Variants in UNC13B observed in about 807,000 individuals in gnomAD.
UNC13B encodes unc-13 homolog B, also known as protein unc-13 homolog B.
A neutral mutation model predicts 211.0 loss-of-function variants in UNC13B; 144 were observed. The observed-to-expected ratio is 0.68, with a 90% CI of 0.60 to 0.78. The LOEUF (loss-of-function observed/expected upper bound fraction) is 0.78, where lower values mean the gene tolerates loss of function less well. UNC13B is among the 30% of genes least tolerant of loss of function. The pLI is 0.00. For synonymous variants in UNC13B, 709 were observed against 725.8 expected, an observed-to-expected ratio of 0.98 and a Z score of 0.37; for missense variants, 1,777 against 2,002.0, an observed-to-expected ratio of 0.89 and a Z score of 2.14.
Position 35,397,204 on chromosome 9 carries a change from C to T in UNC13B, c.11570C>T (p.Ser3857Phe). Residue 3857 changes from serine to phenylalanine, a missense_variant, in exon 29 of 40, where the codon TCT becomes TTT. Ser to Phe is a radical substitution (Grantham distance 155, BLOSUM62 -2). Transcript: ENST00000635942. ...TCAGAGCATGCACTCTTTTCCTGCTCTGTGGTGGATGTCTTCACACAACTC... is the reference window on the plus strand; with the variant it reads ...TCAGAGCATGCACTCTTTTCCTGCTTTGTGGTGGATGTCTTCACACAACTC... The part of the protein sequence containing the change: ...QTSEHALFSC[S>F]VVDVFTQLNQ... The T allele has an allele frequency of 5.0e-6, 8 of 1,614,220 alleles. No homozygotes were observed. Among genetic ancestry groups the T allele is most frequent in the Non-Finnish European group, 5.9e-6 (7 of 1,180,044 alleles).
intron 1 of UNC13B, among the ~76,000 whole-genome samples, chr9:35,219,854 A>G (rs537549240): frequency 1.3e-5 from 2 of 152,204 alleles, no homozygotes; most frequent in East Asian, 3.9e-4. Flanking sequence ...GTTGGTGTGC[A>G]TTCCTTCCTT....
intron 21 of UNC13B, among the ~76,000 whole-genome samples, chr9:35,383,311 A>C (rs2132268324): frequency 6.6e-6 from 1 of 152,296 alleles, no homozygotes; most frequent in Non-Finnish European, 1.5e-5. Context: ...TTGAGTCATT[A>C]CTCAGAATGT....
chr9:35,396,420 C>G, intron 26 of UNC13B, 56 bp from the exon 27 acceptor site: 1 of 1,608,584 alleles, frequency 6.2e-7, no homozygotes, highest in Non-Finnish European at 8.5e-7. Flanking sequence ...TGGGAAGGCT[C>G]AGGAACCATG....
chr9:35,216,962 A>G (rs933056551), intron 1 of UNC13B, among the ~76,000 whole-genome samples: 29 of 152,210 alleles, frequency 1.9e-4, no homozygotes, highest in African/African-American at 7.0e-4. Context: ...TGCAAATGAC[A>G]AAATGATGGA....
In UNC13B at chr9:35,308,021, CTTAACTCCAGTG is replaced by C. The variant is rs1830009732; in HGVS notation, c.8618_8629del (p.Leu2873_Glu2877delinsGln). 2 of 399,082 alleles carry C rather than the reference CTTAACTCCAGTG, an allele frequency of 5.0e-6. No homozygotes were observed. The highest frequency in any genetic ancestry group is 7.1e-5 in the East Asian group (2 of 28,072). 24.7% of individuals were successfully genotyped at this position (399,082 alleles called of 1,614,324 possible). On this transcript the variant is annotated inframe_deletion, in exon 9 of 40. Coordinates refer to ENST00000635942, the MANE Select transcript of UNC13B (RefSeq NM_001371189.2). ...TTTAGTTACTAGCAGTGATCAGGAC[CTTAACTCCAGTG>C]AGGCTAACAAAGCTTTGAAGTCTTC...
chr9:35,205,768 G>T (rs1330338455), intron 1 of UNC13B, among the ~76,000 whole-genome samples: 3 of 152,124 alleles, frequency 2.0e-5, no homozygotes, highest in Admixed American at 6.6e-5. Flanking sequence ...CATTATATGG[G>T]TATACTATAA....
Position 35,302,034 on chromosome 9 carries a change from A to G in UNC13B, c.2630A>G (p.Glu877Gly). 1 of 398,794 alleles carries G rather than the reference A, an allele frequency of 2.5e-6. No homozygotes were observed. The allele number at this position is 398,794 out of a possible 1,614,324, so 24.7% of individuals were successfully genotyped here. A position where few individuals can be genotyped will look rare whatever the true frequency, so the allele number is the denominator to read the frequency against. ...CTTGGTCATTCTGAAAAGCAACAGG[A>G]GTTAAAAGAGAAAGGAAGCATTTTT... Reference protein sequence around the residue: ...RSLGHSEKQQELKEKGSIFPL... With the variant: ...RSLGHSEKQQGLKEKGSIFPL... Residue 877 changes from glutamate to glycine, a missense_variant, in exon 9 of 40, where the codon GAG becomes GGG. Coordinates refer to ENST00000635942, the MANE Select transcript of UNC13B (RefSeq NM_001371189.2).
At chr9:35,195,840 A>G (rs181454164) in intron 1 of UNC13B, among the ~76,000 whole-genome samples, 1 of 152,166 alleles carries the variant, frequency 6.6e-6, no homozygotes. Context: ...CTTGCTAGCC[A>G]GTCAGAACAG....
At chr9:35,323,370 A>G (rs1050401666) in intron 11 of UNC13B, among the ~76,000 whole-genome samples, 5 of 152,148 alleles carry the variant, frequency 3.3e-5, no homozygotes, top group Non-Finnish European at 5.9e-5. Flanking sequence ...CTCTGCCCCC[A>G]TTGATGGATC....
intron 11 of UNC13B, among the ~76,000 whole-genome samples, chr9:35,323,038 T>C (rs1334803605): frequency 6.6e-6 from 1 of 151,540 alleles, no homozygotes; most frequent in Non-Finnish European, 1.5e-5. Context: ...TAATGCACAG[T>C]TTTCCTACTT....
intron 11 of UNC13B, among the ~76,000 whole-genome samples, chr9:35,329,689 A>G (rs62543217): frequency 0.2 from 30,585 of 151,506 alleles, 3,269 homozygotes; most frequent in Non-Finnish European, 0.24. Flanking sequence ...GGGTTTCTCT[A>G]TGTTGCCCAG....
At chr9:35,180,766 A>C (rs567640262) in intron 1 of UNC13B, among the ~76,000 whole-genome samples, 1 of 152,136 alleles carries the variant, frequency 6.6e-6, no homozygotes, top group East Asian at 1.9e-4. Context: ...TTAGTTCTGA[A>C]ATCAATTAAG....
In UNC13B at chr9:35,381,603, C is replaced by T. The variant is rs372082359; in HGVS notation, c.10539C>T (p.Arg3513=). The T allele has an allele frequency of 6.2e-7, 1 of 1,614,114 alleles. No individual in the cohort carries two copies. Among genetic ancestry groups the T allele is most frequent in the African/African-American group, 1.3e-5 (1 of 74,930 alleles). ...LTDIQGSGGV[R]IPEARGDDAW... ...ACATTCAGGGCAGTGGAGGAGTCCG[C>T]ATCCCTGAAGCTCGAGGAGACGATG... The change falls in exon 20 of 40, where the codon CGC becomes CGT. Residue 3513 remains arginine (R), a synonymous_variant. Transcript: ENST00000635942.
chr9:35,178,214 T>G (rs1389965686), intron 1 of UNC13B, among the ~76,000 whole-genome samples: 2 of 152,184 alleles, frequency 1.3e-5, no homozygotes, highest in Admixed American at 6.5e-5. Context: ...ATGTATTATT[T>G]GAAAAATACT....
At chr9:35,321,297 T>G (rs1276802327) in intron 11 of UNC13B, among the ~76,000 whole-genome samples, 1 of 152,176 alleles carries the variant, frequency 6.6e-6, no homozygotes, top group Non-Finnish European at 1.5e-5. Context: ...CACAGCTCAC[T>G]GCAGCCTTGA....
intron 1 of UNC13B, among the ~76,000 whole-genome samples, chr9:35,180,372 A>G (rs1352351111): frequency 6.6e-6 from 1 of 152,062 alleles, no homozygotes; most frequent in Non-Finnish European, 1.5e-5. Context: ...GATATCTAAG[A>G]CTTTTGAGAA....
At position 35,333,966 on chromosome 9, in the gene UNC13B, T is replaced by C. The variant is rs28648920; in HGVS notation, c.9414+19977T>C. 3.4e-5 allele frequency among the ~76,000 whole-genome samples: 5 copies of C among 148,614 alleles called. 1 individual carries two copies. Among genetic ancestry groups the C allele is most frequent in the Admixed American group, 6.7e-5 (1 of 15,034 alleles). On this transcript the variant is annotated intron_variant, in intron 11 of 39. Coordinates refer to ENST00000635942, the MANE Select transcript of UNC13B (RefSeq NM_001371189.2). ...TTTTCATATTCATTTTTTTGTTTGT[T>C]TTTTTTTTTGTTTTTTGAGACGGAG...
chr9:35,172,363 A>T (rs1280787670), intron 1 of UNC13B, among the ~76,000 whole-genome samples: 2 of 152,088 alleles, frequency 1.3e-5, no homozygotes, highest in African/African-American at 2.4e-5. Flanking sequence ...TCTACAATAG[A>T]TTTTCATTAA....
chr9:35,304,101 G>A lies in UNC13B; in HGVS notation c.4697G>A (p.Cys1566Tyr), dbSNP rs1398055261. 7 of 398,618 alleles carry A rather than the reference G, an allele frequency of 1.8e-5. No individual in the cohort carries two copies. The highest frequency in any genetic ancestry group is 3.1e-5 in the Non-Finnish European group (7 of 225,852). The allele number at this position is 398,618 out of a possible 1,614,324, so 24.7% of individuals were successfully genotyped here. A position where few individuals can be genotyped will look rare whatever the true frequency, so the allele number is the denominator to read the frequency against. The change falls in exon 9 of 40, where the codon TGT becomes TAT. Residue 1566 changes from cysteine (C) to tyrosine (Y), a missense_variant. By Grantham distance (194) the Cys-to-Tyr change is radical (BLOSUM62 -2). Coordinates refer to ENST00000635942, the MANE Select transcript of UNC13B (RefSeq NM_001371189.2). ...IPDSYQEYLD[C>Y]DLQTNGLSSI... ...GATTCTTATCAAGAGTATTTGGATT[G>A]TGATTTACAGACAAATGGTCTATCA...
Sources: allele counts gnomAD v4.1 joint callset (sites outside exome capture counted in the v4.1 genomes callset), GRCh38; gene constraint gnomAD v4.1.1; transcripts MANE v1.5; gene names NCBI Gene and HGNC (gene_info 2026-07-23, HGNC 2026-07-21).